Variants in PLXDC2 observed in about 807,000 individuals in gnomAD.
The protein encoded by PLXDC2 is plexin domain containing 2, also known as plexin domain-containing protein 2.
A neutral mutation model predicts 68.9 loss-of-function variants in PLXDC2; 40 were observed. The observed-to-expected ratio is 0.58, with a 90% CI of 0.45 to 0.76. The LOEUF is 0.76. Among genes scored for constraint, PLXDC2 ranks in the 30% least tolerant of loss-of-function variants. The pLI, the probability that PLXDC2 is intolerant of heterozygous loss-of-function variation, is 0.00. For missense variants in PLXDC2, 644 were observed against 661.9 expected (o/e 0.97, Z 0.30); for synonymous variants, 243 against 234.2 (o/e 1.04, Z -0.34).
chr10:20,148,335 C>T (rs754748117), intron 6 of PLXDC2, among the ~76,000 whole-genome samples: 26 of 151,144 alleles, frequency 1.7e-4, no homozygotes, highest in Non-Finnish European at 3.4e-4. Flanking sequence ...TTTATAGACA[C>T]GAAAACTTAT....
At chr10:20,146,467 C>T (rs1159620816) in intron 5 of PLXDC2, among the ~76,000 whole-genome samples, 2 of 129,854 alleles carry the variant, frequency 1.5e-5, no homozygotes, top group African/African-American at 5.7e-5. Context: ...TCCTTCCTTC[C>T]TTTCTTTCTT....
At chr10:20,234,520 C>T (rs1440706222) in intron 12 of PLXDC2, among the ~76,000 whole-genome samples, 2 of 152,134 alleles carry the variant, frequency 1.3e-5, no homozygotes, top group African/African-American at 2.4e-5. Context: ...TATAAGTACC[C>T]TGTACAAGTG....
intron 3 of PLXDC2, 150 bp from the exon 4 acceptor site, chr10:20,068,020 G>A: frequency 1.7e-6 from 1 of 575,406 alleles, no homozygotes; most frequent in Non-Finnish European, 2.9e-6. Flanking sequence ...ATATTCTTTA[G>A]TACGACCGAG....
At chr10:20,066,593 A>G (rs1836216623) in intron 3 of PLXDC2, among the ~76,000 whole-genome samples, 1 of 152,216 alleles carries the variant, frequency 6.6e-6, no homozygotes, top group Non-Finnish European at 1.5e-5. Flanking sequence ...TATTTCAGTT[A>G]GCTCTGTGAA....
chr10:20,063,736 C>G (rs10827947), intron 3 of PLXDC2, among the ~76,000 whole-genome samples: 22,221 of 151,908 alleles, frequency 0.15, 1,909 homozygotes, highest in South Asian at 0.31. Context: ...TCTGTTGCCC[C>G]GAGAAATTGT....
chr10:20,180,409 C>A (rs143879343), intron 9 of PLXDC2, among the ~76,000 whole-genome samples: 13 of 152,064 alleles, frequency 8.5e-5, no homozygotes, highest in African/African-American at 2.7e-4. Flanking sequence ...AATTTCCCCA[C>A]TGCATTTTAT....
chr10:20,149,519 G>A (rs1470464954), intron 6 of PLXDC2, among the ~76,000 whole-genome samples: 16 of 151,996 alleles, frequency 1.1e-4, no homozygotes, highest in African/African-American at 2.4e-4. Context: ...GATTACAGGC[G>A]TGAGCCACTG....
rs149835569 is a variant in PLXDC2, at chr10:19,833,110, G to C, written c.112+15919G>C. 5.3e-3 allele frequency among the ~76,000 whole-genome samples: 811 copies of C among 152,216 alleles called. 6 individuals carry two copies. The highest frequency in any genetic ancestry group is 0.018 in the African/African-American group (760 of 41,536). ...GGAAGTTAAGGATGTCAGAGGCAGA[G>C]ACAAAAAAGGGCAGGGCAAGGCATG... On this transcript the variant is annotated intron_variant, in intron 1 of 13. Coordinates refer to ENST00000377252, the MANE Select transcript of PLXDC2 (RefSeq NM_032812.9).
chr10:19,840,530 C>T lies in PLXDC2; in HGVS notation c.112+23339C>T, dbSNP rs77023052. Reference sequence around the variant, plus strand: ...AATTTATCATTAAAAACTAAGTAAGCTCACAGTTCCAAGACAGAGTACATT... The same window carrying T: ...AATTTATCATTAAAAACTAAGTAAGTTCACAGTTCCAAGACAGAGTACATT... On this transcript the variant is annotated intron_variant, in intron 1 of 13. Coordinates refer to ENST00000377252, the MANE Select transcript of PLXDC2 (RefSeq NM_032812.9). 2.9e-3 allele frequency among the ~76,000 whole-genome samples: 434 copies of T among 152,200 alleles called. 9 individuals carry two copies. In the East Asian group the frequency reaches 0.053, roughly 19 times the overall value.
chr10:20,125,490 A>G (rs1261464029), intron 4 of PLXDC2, among the ~76,000 whole-genome samples: 1 of 152,178 alleles, frequency 6.6e-6, no homozygotes, highest in African/African-American at 2.4e-5. Flanking sequence ...CCAGACTACT[A>G]AAACATCTGA....
At chr10:20,098,293 CA>C (rs1315666350) in intron 4 of PLXDC2, among the ~76,000 whole-genome samples, 2 of 151,596 alleles carry the variant, frequency 1.3e-5, no homozygotes, top group African/African-American at 4.8e-5. Flanking sequence ...CACATCACTC[CA>C]ATCCTCAAGA....
At chr10:20,226,814 C>T (rs955372344) in intron 12 of PLXDC2, among the ~76,000 whole-genome samples, 1 of 152,090 alleles carries the variant, frequency 6.6e-6, no homozygotes, top group South Asian at 2.1e-4. Context: ...TACCTACTTT[C>T]CTTTCAGTGT....
Position 20,281,456 on chromosome 10 carries a change from C to T in PLXDC2, c.*1637C>T, listed in dbSNP as rs1394534255. 3 of 152,304 alleles carry T rather than the reference C, an allele frequency of 2.0e-5. No homozygotes were observed. The highest frequency in any genetic ancestry group is 1.3e-4 in the Admixed American group (2 of 15,274). The allele number at this position is 152,304 out of a possible 1,614,324, so 9.4% of individuals were successfully genotyped here. On this transcript the variant is annotated 3_prime_UTR_variant, in exon 14 of 14. Coordinates refer to ENST00000377252, the MANE Select transcript of PLXDC2 (RefSeq NM_032812.9). The stretch of plus-strand genomic sequence containing the variant: ...TTCAGGTCTCAAGAAGCAGAGATGT[C>T]TCATAAGCAGCATTTTCCCAACAGT...
At chr10:20,052,722 C>CA (rs59776582) in intron 3 of PLXDC2, among the ~76,000 whole-genome samples, 2,805 of 92,508 alleles carry the variant, frequency 0.03, 56 homozygotes, top group African/African-American at 0.069. Flanking sequence ...ACAAATTATG[C>CA]AAAAAAAAAA....
chr10:19,891,074 A>C (rs192441718), intron 1 of PLXDC2, among the ~76,000 whole-genome samples: 2 of 152,258 alleles, frequency 1.3e-5, no homozygotes. Context: ...ATGCAATGGC[A>C]AGACATCTGT....
rs556737825 is a variant in PLXDC2 at position 20,283,281 on chromosome 10, C to T, written c.*3462C>T. The stretch of plus-strand genomic sequence containing the variant: ...GAAAATCACTTCAACCTCCTTGAGT[C>T]TCAATTTGCAATTTTGGAAAAGAAA... On this transcript the variant is annotated 3_prime_UTR_variant, in exon 14 of 14. Coordinates refer to ENST00000377252, the MANE Select transcript of PLXDC2 (RefSeq NM_032812.9). The T allele has an allele frequency of 6.6e-6, 1 of 152,282 alleles. No individual in the cohort carries two copies. The highest frequency in any genetic ancestry group is 1.9e-4 in the East Asian group (1 of 5,180). The allele number at this position is 152,282 out of a possible 1,614,324, so 9.4% of individuals were successfully genotyped here. A position where few individuals can be genotyped will look rare whatever the true frequency, so the allele number is the denominator to read the frequency against.
In PLXDC2 at chr10:20,147,802, A is replaced by T. The variant is rs201894814; in HGVS notation, c.683A>T (p.Gln228Leu). 2 of 1,606,890 alleles carry T rather than the reference A, an allele frequency of 1.2e-6. No homozygotes were observed. Among genetic ancestry groups the T allele is most frequent in the African/African-American group, 1.3e-5 (1 of 74,894 alleles). The change falls in exon 6 of 14, where the codon CAG (glutamine) becomes CTG (leucine). Residue 228 changes from glutamine to leucine, a missense_variant. Coordinates refer to ENST00000377252, the MANE Select transcript of PLXDC2 (RefSeq NM_032812.9). Reference protein sequence around the residue: ...YFDNGTALVVQWDHVHLQDNY... With the variant: ...YFDNGTALVVLWDHVHLQDNY... ...TGTATAGGCACAGCACTTGTGGTCC[A>T]GTGGGACCATGTACATCTCCAGGAT...
chr10:20,207,060 A>T (rs1370252569), intron 9 of PLXDC2, among the ~76,000 whole-genome samples: 1 of 152,154 alleles, frequency 6.6e-6, no homozygotes, highest in Non-Finnish European at 1.5e-5. Context: ...GGCCTCTAAA[A>T]AATGCTAAAA....
At chr10:19,852,789 A>G (rs1484676954) in intron 1 of PLXDC2, among the ~76,000 whole-genome samples, 12 of 152,210 alleles carry the variant, frequency 7.9e-5, no homozygotes, top group Non-Finnish European at 5.9e-5. Context: ...AATAGTGCCC[A>G]TTGCAAGACG....
Sources: allele counts gnomAD v4.1 joint callset (sites outside exome capture counted in the v4.1 genomes callset), GRCh38; gene constraint gnomAD v4.1.1; transcripts MANE v1.5; gene names NCBI Gene and HGNC (gene_info 2026-07-23, HGNC 2026-07-21).